KIF16B: variants seen among roughly 807,000 people sequenced by gnomAD.
KIF16B encodes kinesin family member 16B.
In KIF16B, 98 loss-of-function variants were observed where a neutral mutation model predicts 156.3. The ratio of observed to expected loss-of-function variants is 0.63; its 90% CI spans 0.53 to 0.74. The LOEUF is 0.74. Among genes scored for constraint, KIF16B ranks in the 30% least tolerant of loss-of-function variants. The probability of loss-of-function intolerance (pLI) is 0.00; values close to 1 mark genes in which losing one functional copy is unlikely to be tolerated. For missense variants in KIF16B, 1,421 were observed against 1,606.5 expected (o/e 0.88, Z 1.97); for synonymous variants, 564 against 583.7 (o/e 0.97, Z 0.49).
At chr20:16,468,127 A>C (rs1383890290) in intron 12 of KIF16B, among the ~76,000 whole-genome samples, 1 of 152,238 alleles carries the variant, frequency 6.6e-6, no homozygotes, top group Non-Finnish European at 1.5e-5. Flanking sequence ...ATATAAAAAA[A>C]GCCCAGTTTA....
chr20:16,456,047 C>T (rs905652404), intron 12 of KIF16B, among the ~76,000 whole-genome samples: 15 of 152,100 alleles, frequency 9.9e-5, no homozygotes, highest in African/African-American at 2.7e-4. Context: ...TCCTTCAATA[C>T]GGTATTTTTC....
At chr20:16,280,075 C>T (rs530092441) in intron 25 of KIF16B, among the ~76,000 whole-genome samples, 1 of 152,204 alleles carries the variant, frequency 6.6e-6, no homozygotes, top group Non-Finnish European at 1.5e-5. Flanking sequence ...ACCTACAATA[C>T]AATTTCAGTC....
chr20:16,469,547 A>G (rs2067598272), intron 12 of KIF16B, among the ~76,000 whole-genome samples: 1 of 150,930 alleles, frequency 6.6e-6, no homozygotes, highest in African/African-American at 2.4e-5. Context: ...AATCACCTAA[A>G]CTTCCACCTT....
intron 1 of KIF16B, among the ~76,000 whole-genome samples, chr20:16,564,506 C>G (rs2071180525): frequency 6.6e-6 from 1 of 151,736 alleles, no homozygotes; most frequent in African/African-American, 2.4e-5. Flanking sequence ...ACACCGGGGC[C>G]TGTTGTGAGG....
chr20:16,381,805 C>T, intron 17 of KIF16B, 58 bp from the exon 18 acceptor site: 1 of 1,381,658 alleles, frequency 7.2e-7, no homozygotes, highest in Non-Finnish European at 1.0e-6. Context: ...ATCTCTCTCT[C>T]ACTCTCTGTA....
rs1056940359 is a variant in KIF16B at position 16,304,929 on chromosome 20, C to T, written c.3795+7406G>A. On this transcript the variant is annotated intron_variant, in intron 25 of 25. Transcript: ENST00000354981. ...TCAGGAAAAACTAGGCTGTGTGTTG[C>T]AGGCACCATAAGCCAGAAAGGTGAC... Among the ~76,000 whole-genome samples, 5 of 152,128 alleles carry T rather than the reference C, an allele frequency of 3.3e-5. No individual in the cohort carries two copies. In the South Asian group the frequency reaches 1.0e-3, roughly 32 times the overall value.
intron 3 of KIF16B, among the ~76,000 whole-genome samples, chr20:16,520,779 G>A (rs2069320291): frequency 6.6e-6 from 1 of 152,156 alleles, no homozygotes; most frequent in Non-Finnish European, 1.5e-5. Context: ...ATACGGGAGA[G>A]CTCCGGGTGG....
intron 8 of KIF16B, 21 bp from the exon 9 acceptor site, chr20:16,505,874 A>G (rs1190158103): frequency 6.2e-7 from 1 of 1,610,922 alleles, no homozygotes; most frequent in East Asian, 2.2e-5. Flanking sequence ...GAAGAAACAA[A>G]GGGGAGAAAG....
rs144022661 is a variant in KIF16B, at chr20:16,427,503, T to G, written c.1475-262A>C. On this transcript the variant is annotated intron_variant, in intron 14 of 25. Transcript: ENST00000354981. ...TGTAAGAAAATCAGTTCTGGGATGT[T>G]AACTCATTTCATCTTTGGGGAGAAA... 1.3e-3 allele frequency among the ~76,000 whole-genome samples: 196 copies of G among 152,252 alleles called. 2 individuals are homozygous for G. Among genetic ancestry groups the G allele is most frequent in the Admixed American group, 9.0e-3 (138 of 15,288 alleles).
At chr20:16,283,549 G>A (rs550892464) in intron 25 of KIF16B, among the ~76,000 whole-genome samples, 1 of 152,284 alleles carries the variant, frequency 6.6e-6, no homozygotes, top group African/African-American at 2.4e-5. Context: ...AGCCCGCCAG[G>A]TCTCCATGGA....
chr20:16,276,820 C>A (rs2063068641), intron 25 of KIF16B, among the ~76,000 whole-genome samples: 1 of 152,228 alleles, frequency 6.6e-6, no homozygotes, highest in Non-Finnish European at 1.5e-5. Flanking sequence ...CACTGCCAAG[C>A]TTAGGAAACG....
intron 23 of KIF16B, among the ~76,000 whole-genome samples, chr20:16,348,187 C>A (rs890158583): frequency 5.9e-5 from 9 of 152,114 alleles, no homozygotes; most frequent in African/African-American, 2.2e-4. Context: ...TGAAAACAGG[C>A]AAGGATTTGA....
intron 19 of KIF16B, among the ~76,000 whole-genome samples, chr20:16,376,994 C>G (rs144318593): frequency 6.6e-6 from 1 of 152,162 alleles, no homozygotes; most frequent in African/African-American, 2.4e-5. Flanking sequence ...TACCAGACAG[C>G]GATGGTAAAT....
intron 10 of KIF16B, among the ~76,000 whole-genome samples, chr20:16,498,285 A>T (rs2068511609): frequency 6.6e-6 from 1 of 152,146 alleles, no homozygotes. Context: ...GCTGGGGCTT[A>T]AACTGCACTC....
At position 16,427,054 on chromosome 20, in the gene KIF16B, G is replaced by A. The variant is rs144418846; in HGVS notation, c.1612+50C>T. 37 of 1,484,498 alleles carry A rather than the reference G, an allele frequency of 2.5e-5. 1 individual carries two copies. In the Admixed American group the frequency reaches 7.7e-4, roughly 31 times the overall value. 92.0% of individuals were successfully genotyped at this position (1,484,498 alleles called of 1,614,324 possible). A position where few individuals can be genotyped will look rare whatever the true frequency, so the allele number is the denominator to read the frequency against. ...TGTTCCCCCATTGCCTAGCCAACTTGTTTTCTCAAACAATATATACAAAGA... is the reference window on the plus strand; with the variant it reads ...TGTTCCCCCATTGCCTAGCCAACTTATTTTCTCAAACAATATATACAAAGA... On this transcript the variant is annotated intron_variant, in intron 15 of 25. Coordinates refer to ENST00000354981, the MANE Select transcript of KIF16B (RefSeq NM_024704.5).
At chr20:16,562,732 A>G (rs1466910136) in intron 1 of KIF16B, among the ~76,000 whole-genome samples, 1 of 152,234 alleles carries the variant, frequency 6.6e-6, no homozygotes, top group Non-Finnish European at 1.5e-5. Context: ...ATTCACACAT[A>G]CACACACGTA....
At chr20:16,470,366 C>T (rs1437846193) in intron 12 of KIF16B, among the ~76,000 whole-genome samples, 4 of 152,074 alleles carry the variant, frequency 2.6e-5, no homozygotes, top group Non-Finnish European at 5.9e-5. Context: ...AGTGTGGGTT[C>T]ACTGATTGTA....
chr20:16,349,952 A>G (rs2064304299), intron 23 of KIF16B, among the ~76,000 whole-genome samples: 1 of 152,212 alleles, frequency 6.6e-6, no homozygotes, highest in Non-Finnish European at 1.5e-5. Flanking sequence ...GGGGTACTTG[A>G]TAATTATTAG....
At chr20:16,425,886 G>C (rs918613243) in intron 15 of KIF16B, among the ~76,000 whole-genome samples, 1 of 152,090 alleles carries the variant, frequency 6.6e-6, no homozygotes, top group Non-Finnish European at 1.5e-5. Flanking sequence ...ACTTCCACAG[G>C]CTTACCAGGC....
Sources: allele counts gnomAD v4.1 joint callset (sites outside exome capture counted in the v4.1 genomes callset), GRCh38; gene constraint gnomAD v4.1.1; transcripts MANE v1.5; gene names NCBI Gene and HGNC (gene_info 2026-07-23, HGNC 2026-07-21).